IGSF21: variants seen among roughly 807,000 people sequenced by gnomAD.
The protein encoded by IGSF21 is immunoglobulin superfamily member 21.
Under a neutral mutation model 46.8 loss-of-function variants are expected in IGSF21, and 28 were observed. The ratio of observed to expected loss-of-function variants is 0.60; its 90% CI spans 0.44 to 0.82. The LOEUF (loss-of-function observed/expected upper bound fraction) is 0.82. Among genes scored for constraint, IGSF21 ranks in the 40% least tolerant of loss-of-function variants. The pLI, the probability that IGSF21 is intolerant of heterozygous loss-of-function variation, is 0.00. For missense variants in IGSF21, 624 were observed against 665.5 expected, an observed-to-expected ratio of 0.94 and a Z score of 0.69; for synonymous variants, 284 against 273.6, an observed-to-expected ratio of 1.04 and a Z score of -0.38.
chr1:18,313,205 A>G (rs904662947), intron 3 of IGSF21, among the ~76,000 whole-genome samples: 13 of 152,156 alleles, frequency 8.5e-5, no homozygotes, highest in African/African-American at 2.9e-4. Context: ...AAACTCGGGG[A>G]GGTCTCGGGC....
At chr1:18,271,084 C>T (rs2085038294) in intron 2 of IGSF21, among the ~76,000 whole-genome samples, 1 of 152,166 alleles carries the variant, frequency 6.6e-6, no homozygotes, top group Admixed American at 6.5e-5. Flanking sequence ...CAGACAAGCA[C>T]AGAGAGACAG....
chr1:18,250,004 G>A (rs1376511543), intron 2 of IGSF21, among the ~76,000 whole-genome samples: 7 of 151,824 alleles, frequency 4.6e-5, no homozygotes, highest in African/African-American at 1.5e-4. Flanking sequence ...GGCAGTTGGG[G>A]CCCCAGTGCC....
chr1:18,209,564 C>T (rs950565867), intron 1 of IGSF21, among the ~76,000 whole-genome samples: 4 of 151,848 alleles, frequency 2.6e-5, no homozygotes, highest in Admixed American at 1.3e-4. Context: ...ATGCGATTCT[C>T]CTGCCTCAGC....
Position 18,231,289 on chromosome 1 carries a change from C to G in IGSF21, c.183+3279C>G, listed in dbSNP as rs546280063. 3.3e-5 allele frequency among the ~76,000 whole-genome samples: 5 copies of G among 152,324 alleles called. No homozygotes were observed. In the South Asian group the frequency reaches 1.0e-3, roughly 32 times the overall value. ...AATGCATTGGATTCTTTGGGTAAAT[C>G]AGGGCAGCTGATGAAATTATCTGAA... On this transcript the variant is annotated intron_variant, in intron 2 of 9. Transcript: ENST00000251296.
At chr1:18,228,065 C>A in intron 2 of IGSF21, 55 bp downstream of exon 2, 1 of 1,341,824 alleles carries the variant, frequency 7.5e-7, no homozygotes, top group Non-Finnish European at 1.1e-6. Flanking sequence ...GTGTGAGGTC[C>A]TCAGAGCCCT....
chr1:18,169,572 G>A (rs1028919987), intron 1 of IGSF21, among the ~76,000 whole-genome samples: 8 of 152,250 alleles, frequency 5.3e-5, no homozygotes, highest in Non-Finnish European at 1.0e-4. Context: ...TGAGGATGGC[G>A]GCACAGGTGG....
At chr1:18,378,187 G>A (rs891594218) in intron 9 of IGSF21, 69 bp from the exon 10 acceptor site, 2 of 1,312,382 alleles carry the variant, frequency 1.5e-6, no homozygotes, top group African/African-American at 2.9e-5. Flanking sequence ...TTGGGGACCT[G>A]GAGGCTCTGC....
At chr1:18,246,748 G>C (rs2084788082) in intron 2 of IGSF21, among the ~76,000 whole-genome samples, 2 of 152,192 alleles carry the variant, frequency 1.3e-5, no homozygotes, top group Non-Finnish European at 1.5e-5. Context: ...GAGCTGCCCT[G>C]TCCACACCAA....
chr1:18,356,999 G>A (rs1233444370), intron 4 of IGSF21, among the ~76,000 whole-genome samples: 4 of 151,862 alleles, frequency 2.6e-5, no homozygotes, highest in African/African-American at 9.7e-5. Flanking sequence ...TGGAGATGGA[G>A]TGGAGATGGG....
At chr1:18,172,567 G>T (rs2086748713) in intron 1 of IGSF21, among the ~76,000 whole-genome samples, 1 of 152,188 alleles carries the variant, frequency 6.6e-6, no homozygotes, top group South Asian at 2.1e-4. Context: ...GCCTTTCCTT[G>T]TTGCATGTGC....
intron 2 of IGSF21, among the ~76,000 whole-genome samples, chr1:18,278,391 C>G (rs974606886): frequency 1.3e-5 from 2 of 152,094 alleles, no homozygotes; most frequent in African/African-American, 2.4e-5. Context: ...AGGCGCCCCC[C>G]CAACACACCT....
intron 2 of IGSF21, among the ~76,000 whole-genome samples, chr1:18,247,435 G>T (rs1343874584): frequency 1.3e-5 from 2 of 152,102 alleles, no homozygotes; most frequent in African/African-American, 4.8e-5. Flanking sequence ...GGGAATGAGG[G>T]TGCCATCCTT....
chr1:18,328,915 C>G (rs548370007), intron 3 of IGSF21, among the ~76,000 whole-genome samples: 1 of 152,256 alleles, frequency 6.6e-6, no homozygotes, highest in South Asian at 2.1e-4. Flanking sequence ...GTGCACAGGA[C>G]TTGCTCAGCA....
At chr1:18,373,005 G>T (rs2086244697) in intron 6 of IGSF21, among the ~76,000 whole-genome samples, 1 of 152,198 alleles carries the variant, frequency 6.6e-6, no homozygotes, top group South Asian at 2.1e-4. Flanking sequence ...AGGATGCTCA[G>T]GACAGGTAAG....
At chr1:18,162,055 T>C (rs2086631021) in intron 1 of IGSF21, among the ~76,000 whole-genome samples, 1 of 152,168 alleles carries the variant, frequency 6.6e-6, no homozygotes, top group African/African-American at 2.4e-5. Context: ...TTTTCTTTTT[T>C]TGAGACAGGG....
chr1:18,221,260 C>T (rs1413556624), intron 1 of IGSF21, among the ~76,000 whole-genome samples: 1 of 152,176 alleles, frequency 6.6e-6, no homozygotes, highest in Non-Finnish European at 1.5e-5. Flanking sequence ...GGTGAAAACT[C>T]ATCTCGGTTT....
Position 18,205,619 on chromosome 1 carries a change from A to G in IGSF21, c.71-22279A>G, listed in dbSNP as rs556769148. The stretch of plus-strand genomic sequence containing the variant: ...AAATAAAATGCCATGTCTTGTAGCC[A>G]AGAGACACTGCCCAAGCGTTTGATT... On this transcript the variant is annotated intron_variant, in intron 1 of 9. Coordinates refer to ENST00000251296, the MANE Select transcript of IGSF21 (RefSeq NM_032880.5). Among the ~76,000 whole-genome samples the G allele has an allele frequency of 5.9e-5, 9 of 152,310 alleles. No homozygotes were observed. In the East Asian group the frequency reaches 1.5e-3, roughly 26 times the overall value.
intron 3 of IGSF21, among the ~76,000 whole-genome samples, chr1:18,312,363 G>GT (rs2085497890): frequency 6.6e-6 from 1 of 152,194 alleles, no homozygotes. Context: ...CTCAGTCAAC[G>GT]TTAACTGTTG....
intron 1 of IGSF21, among the ~76,000 whole-genome samples, chr1:18,215,495 C>G (rs2084435034): frequency 6.6e-6 from 1 of 152,170 alleles, no homozygotes; most frequent in Admixed American, 6.5e-5. Flanking sequence ...GTAGGTGAAG[C>G]TGGAGTGTAC....
Sources: allele counts gnomAD v4.1 joint callset (sites outside exome capture counted in the v4.1 genomes callset), GRCh38; gene constraint gnomAD v4.1.1; transcripts MANE v1.5; gene names NCBI Gene and HGNC (gene_info 2026-07-23, HGNC 2026-07-21).